Variants in SLC27A2 observed in about 807,000 individuals in gnomAD.
SLC27A2 encodes the protein long-chain fatty acid transport protein 2.
Under a neutral mutation model 60.0 loss-of-function variants are expected in SLC27A2, and 54 were observed. The observed-to-expected ratio is 0.90, with a 90% CI of 0.72 to 1.13. SLC27A2 has a LOEUF of 1.13. SLC27A2 is among the 50% of genes most tolerant of loss of function. The probability of loss-of-function intolerance (pLI) is 0.00; values close to 1 mark genes in which losing one functional copy is unlikely to be tolerated. For missense variants in SLC27A2, 739 were observed against 777.6 expected (o/e 0.95, Z 0.59); for synonymous variants, 297 against 297.6 (o/e 1.00, Z 0.02).
At chr15:50,194,012 A>G (rs189729851) in intron 1 of SLC27A2, among the ~76,000 whole-genome samples, 2 of 152,210 alleles carry the variant, frequency 1.3e-5, no homozygotes, top group East Asian at 1.9e-4. Flanking sequence ...TTAGCTGGGC[A>G]TGGTACTCCT....
intron 3 of SLC27A2, among the ~76,000 whole-genome samples, chr15:50,204,913 T>TATATA (rs1288255202): frequency 6.8e-6 from 1 of 147,804 alleles, no homozygotes; most frequent in Non-Finnish European, 1.5e-5. Flanking sequence ...ATTTAGTATA[T>TATATA]ATATAATATA....
chr15:50,234,696 C>T (rs1461875682), intron 9 of SLC27A2, among the ~76,000 whole-genome samples: 1 of 151,808 alleles, frequency 6.6e-6, no homozygotes, highest in Non-Finnish European at 1.5e-5. Context: ...CAAATCAAGG[C>T]TGCAGTGAGG....
chr15:50,184,305 C>A (rs1307305782), intron 1 of SLC27A2, among the ~76,000 whole-genome samples: 1 of 151,960 alleles, frequency 6.6e-6, no homozygotes, highest in Non-Finnish European at 1.5e-5. Flanking sequence ...TTTCCTACAT[C>A]TTATTGTTTT....
chr15:50,183,028 A>C, intron 1 of SLC27A2, 123 bp downstream of exon 1: 1 of 1,002,358 alleles, frequency 1.0e-6, no homozygotes, highest in Non-Finnish European at 1.5e-6. Context: ...GTATAGAAAA[A>C]GGTTGGCAGT....
chr15:50,213,712 T>C (rs1258696938), intron 4 of SLC27A2, among the ~76,000 whole-genome samples: 2 of 152,234 alleles, frequency 1.3e-5, no homozygotes, highest in Admixed American at 6.5e-5. Context: ...TGAATGAGCA[T>C]TGGGTCAAAA....
chr15:50,208,689 T>C (rs577886164), intron 4 of SLC27A2, among the ~76,000 whole-genome samples: 1 of 152,350 alleles, frequency 6.6e-6, no homozygotes, highest in South Asian at 2.1e-4. Flanking sequence ...TTCTACTTAG[T>C]TAATCACTCT....
intron 2 of SLC27A2, among the ~76,000 whole-genome samples, chr15:50,201,846 C>T (rs957227906): frequency 6.6e-6 from 1 of 152,130 alleles, no homozygotes; most frequent in Non-Finnish European, 1.5e-5. Context: ...TGAGCCACCG[C>T]GCCTGGCCAA....
At chr15:50,195,329 A>AC (rs1276664979) in intron 1 of SLC27A2, among the ~76,000 whole-genome samples, 1 of 149,658 alleles carries the variant, frequency 6.7e-6, no homozygotes, top group African/African-American at 2.5e-5. Context: ...AAAAAAAAAC[A>AC]AAAACAAACA....
Position 50,182,620 on chromosome 15 carries a change from C to G in SLC27A2, c.193C>G (p.Gln65Glu). The change falls in exon 1 of 10, where the codon CAG becomes GAG. Residue 65 changes from glutamine to glutamate, a missense_variant. Transcript: ENST00000267842. ...ILRAFLEKAR[Q>E]TPHKPFLLFR... ...GCGGGCGTTCCTGGAGAAAGCGCGC[C>G]AGACGCCACACAAGCCTTTTCTGCT... 1 of 1,613,878 alleles carries G rather than the reference C, an allele frequency of 6.2e-7. No homozygotes were observed. The highest frequency in any genetic ancestry group is 8.5e-7 in the Non-Finnish European group (1 of 1,179,838).
chr15:50,216,595 G>GGTGTGCGTGTGTGT (rs1555501323), intron 4 of SLC27A2, among the ~76,000 whole-genome samples: 8 of 69,940 alleles, frequency 1.1e-4, no homozygotes, highest in Non-Finnish European at 2.1e-4. Flanking sequence ...AAGAAACTGT[G>GGTGTGCGTGTGTGT]GTGTGTGTGT....
chr15:50,227,218 G>A (rs548901823), intron 7 of SLC27A2, 40 bp downstream of exon 7: 19 of 1,516,340 alleles, frequency 1.3e-5, no homozygotes, highest in South Asian at 1.3e-4. Flanking sequence ...ACAAACACAC[G>A]CACAGTTTGG....
At chr15:50,221,234 TC>T (rs2045239995) in intron 4 of SLC27A2, among the ~76,000 whole-genome samples, 1 of 151,186 alleles carries the variant, frequency 6.6e-6, no homozygotes, top group South Asian at 2.1e-4. Flanking sequence ...TCCTACTCAG[TC>T]TGAATGTCTA....
chr15:50,234,315 C>T (rs947461890), intron 9 of SLC27A2, among the ~76,000 whole-genome samples: 2 of 152,034 alleles, frequency 1.3e-5, no homozygotes, highest in African/African-American at 4.8e-5. Flanking sequence ...AGGCCAAACG[C>T]GGTGGCTCAC....
chr15:50,220,245 CG>C (rs1236883089), intron 4 of SLC27A2, among the ~76,000 whole-genome samples: 15 of 152,204 alleles, frequency 9.9e-5, no homozygotes, highest in African/African-American at 3.6e-4. Flanking sequence ...AGGGTGCCTG[CG>C]GCCTCCTGCA....
chr15:50,199,053 C>T (rs1419280541), intron 2 of SLC27A2, among the ~76,000 whole-genome samples: 2 of 151,508 alleles, frequency 1.3e-5, no homozygotes, highest in African/African-American at 4.9e-5. Context: ...TTTTTATTGC[C>T]AGGCCAACAG....
chr15:50,233,634 A>G (rs964014172), intron 8 of SLC27A2, among the ~76,000 whole-genome samples: 3 of 152,232 alleles, frequency 2.0e-5, no homozygotes, highest in Non-Finnish European at 4.4e-5. Context: ...TGAGATCATC[A>G]ATACAACACA....
intron 5 of SLC27A2, 103 bp from the exon 6 acceptor site, chr15:50,225,885 A>C: frequency 1.3e-6 from 1 of 750,952 alleles, no homozygotes; most frequent in Non-Finnish European, 2.1e-6. Flanking sequence ...CAAATGCAAA[A>C]TTTCTTCAAC....
At chr15:50,214,030 G>A (rs1323801381) in intron 4 of SLC27A2, among the ~76,000 whole-genome samples, 2 of 151,980 alleles carry the variant, frequency 1.3e-5, no homozygotes, top group South Asian at 2.1e-4. Flanking sequence ...CAAAAAGCTG[G>A]TTCTTTGAAA....
chr15:50,201,899 A>G (rs188878015), intron 2 of SLC27A2, among the ~76,000 whole-genome samples: 4 of 152,304 alleles, frequency 2.6e-5, no homozygotes, highest in African/African-American at 9.6e-5. Context: ...CATATAAGCA[A>G]ATGTTCATAT....
Sources: allele counts gnomAD v4.1 joint callset (sites outside exome capture counted in the v4.1 genomes callset), GRCh38; gene constraint gnomAD v4.1.1; transcripts MANE v1.5; gene names NCBI Gene and HGNC (gene_info 2026-07-23, HGNC 2026-07-21).